SLC2A9: variants seen among roughly 807,000 people sequenced by gnomAD.
SLC2A9 encodes the protein solute carrier family 2 member 9.
Under a neutral mutation model 50.6 loss-of-function variants are expected in SLC2A9, and 39 were observed. The ratio of observed to expected loss-of-function variants is 0.77; its 90% CI spans 0.60 to 1.01. The LOEUF (loss-of-function observed/expected upper bound fraction) is 1.01. SLC2A9 is among the 50% of genes least tolerant of loss of function. SLC2A9 has a pLI of 0.00. For synonymous variants in SLC2A9, 324 were observed against 276.9 expected, an observed-to-expected ratio of 1.17 and a Z score of -1.69; for missense variants, 686 against 677.6, an observed-to-expected ratio of 1.01 and a Z score of -0.14.
chr4:9,954,479 A>G (rs1011244326), intron 5 of SLC2A9, among the ~76,000 whole-genome samples: 2 of 152,248 alleles, frequency 1.3e-5, no homozygotes, highest in Non-Finnish European at 2.9e-5. Flanking sequence ...CGACGGAGTT[A>G]CTTATGGGGT....
At chr4:9,995,279 A>G (rs1041309916) in intron 3 of SLC2A9, among the ~76,000 whole-genome samples, 2 of 152,186 alleles carry the variant, frequency 1.3e-5, no homozygotes, top group Non-Finnish European at 2.9e-5. Context: ...CCAGGCCCTG[A>G]ATTCCCATTA....
At chr4:9,850,780 CAT>C (rs1449671153) in intron 10 of SLC2A9, among the ~76,000 whole-genome samples, 5 of 152,274 alleles carry the variant, frequency 3.3e-5, no homozygotes, top group East Asian at 3.9e-4. Context: ...TCTTCCAGCA[CAT>C]GTGTGTGCAT....
At chr4:9,778,255 G>A (rs1717843995), downstream of SLC2A9, among the ~76,000 whole-genome samples, 1 of 151,872 alleles carries the variant, frequency 6.6e-6, no homozygotes, top group Admixed American at 6.6e-5. Context: ...CTGTAGCTGG[G>A]GTTACAGACA....
At chr4:9,903,163 G>A (rs998915077) in intron 8 of SLC2A9, among the ~76,000 whole-genome samples, 1 of 152,032 alleles carries the variant, frequency 6.6e-6, no homozygotes, top group Non-Finnish European at 1.5e-5. Context: ...TGGATCCAGT[G>A]TCCTGAGTTC....
At chr4:10,005,412 G>C (rs1441032036) in intron 2 of SLC2A9, among the ~76,000 whole-genome samples, 5 of 152,144 alleles carry the variant, frequency 3.3e-5, no homozygotes, top group African/African-American at 1.2e-4. Flanking sequence ...AGCCTCAGGA[G>C]TCTACACAAA....
At chr4:9,778,204 G>T (rs1400172752), downstream of SLC2A9, among the ~76,000 whole-genome samples, 1 of 151,412 alleles carries the variant, frequency 6.6e-6, no homozygotes, top group Admixed American at 6.6e-5. Context: ...CCAACTCCTG[G>T]GTTTGAGTAA....
At chr4:9,896,192 G>C (rs553901911) in intron 8 of SLC2A9, among the ~76,000 whole-genome samples, 1 of 152,172 alleles carries the variant, frequency 6.6e-6, no homozygotes, top group East Asian at 1.9e-4. Flanking sequence ...TATCTGAAGG[G>C]GTTGTGCCAT....
intron 11 of SLC2A9, 57 bp downstream of exon 11, chr4:9,834,824 C>G (rs1038424530): frequency 1.2e-6 from 2 of 1,612,748 alleles, no homozygotes; most frequent in Middle Eastern, 1.7e-4. Flanking sequence ...AATCACCCCT[C>G]AAGTGCTGCA....
chr4:9,948,053 G>A (rs1171004093), intron 5 of SLC2A9, among the ~76,000 whole-genome samples: 3 of 151,876 alleles, frequency 2.0e-5, no homozygotes, highest in South Asian at 4.2e-4. Context: ...TAGAACAGCT[G>A]GTTGCCCCTC....
rs73804392 is a variant in SLC2A9 at position 9,828,656 on chromosome 4, C to T, written c.1420-2056G>A. Among the ~76,000 whole-genome samples the T allele has an allele frequency of 3.9e-3, 590 of 152,298 alleles. 7 individuals are homozygous for T. Among genetic ancestry groups the T allele is most frequent in the African/African-American group, 0.014 (574 of 41,552 alleles). The stretch of plus-strand genomic sequence containing the variant: ...GCTGGAATAATCTTCGTTTAGGCCT[C>T]TGTATATCCTGCTTTCTTACTCCTC... On this transcript the variant is annotated intron_variant, in intron 11 of 11. Transcript: ENST00000264784.
chr4:9,817,623 A>T (rs181817180), intron 3 of SLC2A9, among the ~76,000 whole-genome samples: 105 of 152,356 alleles, frequency 6.9e-4, no homozygotes, highest in East Asian at 5.6e-3. Context: ...GTGTTTTAGA[A>T]ACATTTTTTG....
At chr4:9,983,812 T>A (rs1578187565) in intron 4 of SLC2A9, among the ~76,000 whole-genome samples, 1 of 151,758 alleles carries the variant, frequency 6.6e-6, no homozygotes, top group Admixed American at 6.6e-5. Context: ...AGTTTCGGGG[T>A]TTTTAAATAC....
intron 10 of SLC2A9, chr4:9,879,348 T>C (rs1042593297): frequency 8.2e-6 from 8 of 978,662 alleles, no homozygotes; most frequent in East Asian, 1.1e-4. Flanking sequence ...GCTGAGACCA[T>C]GAAGCGTGTG....
intron 6 of SLC2A9, among the ~76,000 whole-genome samples, chr4:9,941,655 T>C (rs1748151621): frequency 6.6e-6 from 1 of 152,224 alleles, no homozygotes; most frequent in African/African-American, 2.4e-5. Context: ...TGAGGGAACC[T>C]GCGTCTTATC....
In SLC2A9 at chr4:9,818,174, CT is replaced by C. The variant is rs558383225; in HGVS notation, n.420+8245del. Among the ~76,000 whole-genome samples, 53 of 152,248 alleles carry C rather than the reference CT, an allele frequency of 3.5e-4. No individual in the cohort carries two copies. In the East Asian group the frequency reaches 8.3e-3, roughly 24 times the overall value. ...ACCCTAGCCATGCTGAGCGGGTGTC[CT>C]TTGCAAGACTTTCATCTCCATCTGA... On this transcript the variant is annotated intron_variant and non_coding_transcript_variant, in intron 3 of 3. Transcript: ENST00000503280.
At chr4:9,792,149 T>A (rs1034718011) in intron 3 of SLC2A9, among the ~76,000 whole-genome samples, 4 of 150,544 alleles carry the variant, frequency 2.7e-5, no homozygotes, top group African/African-American at 9.7e-5. Flanking sequence ...GGAGATGTTT[T>A]CTATTCTATG....
chr4:9,772,775 T>G (rs1329355309), intron 1 of SLC2A9, among the ~76,000 whole-genome samples: 1 of 152,192 alleles, frequency 6.6e-6, no homozygotes, highest in African/African-American at 2.4e-5. Context: ...CATTTACCCA[T>G]GATATCTCTT....
chr4:9,967,077 C>T (rs1285886001), intron 5 of SLC2A9, among the ~76,000 whole-genome samples: 1 of 152,214 alleles, frequency 6.6e-6, no homozygotes, highest in African/African-American at 2.4e-5. Flanking sequence ...ACTCTTTCCT[C>T]ATTTTCCATC....
At chr4:9,991,399 T>C (rs1191761542) in intron 3 of SLC2A9, among the ~76,000 whole-genome samples, 1 of 152,150 alleles carries the variant, frequency 6.6e-6, no homozygotes, top group East Asian at 1.9e-4. Context: ...TGAGAACCCT[T>C]GAACGCATGT....
Sources: allele counts gnomAD v4.1 joint callset (sites outside exome capture counted in the v4.1 genomes callset), GRCh38; gene constraint gnomAD v4.1.1; transcripts MANE v1.5; gene names NCBI Gene and HGNC (gene_info 2026-07-23, HGNC 2026-07-21).